PLEKHM2: variants seen among roughly 807,000 people sequenced by gnomAD.
The protein encoded by PLEKHM2 is pleckstrin homology domain-containing family M member 2.
In PLEKHM2, 77 loss-of-function variants were observed where a neutral mutation model predicts 116.3. The observed-to-expected ratio is 0.66, with a 90% CI of 0.55 to 0.80. PLEKHM2 has a LOEUF of 0.80. Ranked by LOEUF, PLEKHM2 falls within the 30% of genes least tolerant of loss-of-function variation. The probability of loss-of-function intolerance (pLI) is 0.00; values close to 1 mark genes in which losing one functional copy is unlikely to be tolerated. For synonymous variants in PLEKHM2, 562 were observed against 571.0 expected (o/e 0.98, Z 0.22); for missense variants, 1,183 against 1,354.9 (o/e 0.87, Z 1.99).
chr1:15,708,279 C>T lies in PLEKHM2; in HGVS notation c.61-7958C>T, dbSNP rs181224532. On this transcript the variant is annotated intron_variant, in intron 1 of 19. Transcript: ENST00000375799. ...GTCGCCAGGCTGGAGTGCAGTGGCA[C>T]GATCTCAGCTCATTGCAACCTCCAC... Among the ~76,000 whole-genome samples the T allele has an allele frequency of 2.3e-3, 355 of 151,406 alleles. 1 individual carries two copies. Among genetic ancestry groups the T allele is most frequent in the African/African-American group, 8.1e-3 (336 of 41,254 alleles).
At chr1:15,718,343 A>G (rs1641487604) in intron 4 of PLEKHM2, among the ~76,000 whole-genome samples, 195 bp from the exon 5 acceptor site, 1 of 152,270 alleles carries the variant, frequency 6.6e-6, no homozygotes, top group Non-Finnish European at 1.5e-5. Context: ...AGACACTGGC[A>G]GGACAGTGCA....
chr1:15,720,612 C>A, intron 6 of PLEKHM2: 1 of 345,344 alleles, frequency 2.9e-6, no homozygotes, highest in Non-Finnish European at 4.1e-6. Context: ...GAGACCAGAG[C>A]CCTTCATTTA....
In PLEKHM2 at chr1:15,728,646, G is replaced by T. The variant is rs755098347; in HGVS notation, c.1922-23G>T. 1 of 1,598,364 alleles carries T rather than the reference G, an allele frequency of 6.3e-7. No homozygotes were observed. The highest frequency in any genetic ancestry group is 8.5e-7 in the Non-Finnish European group (1 of 1,171,098). On this transcript the variant is annotated intron_variant, in intron 11 of 19. Transcript: ENST00000375799. This position sits in a 1 kb window ranked among gnomAD's most constrained non-coding sequence, Gnocchi z 5.9. ...GGAAAAGAGGCCTGTGGGGATAATAGGCCTTGGGGTTTCCTCTCTCAGGGG... is the reference window on the plus strand; with the variant it reads ...GGAAAAGAGGCCTGTGGGGATAATATGCCTTGGGGTTTCCTCTCTCAGGGG...
At chr1:15,730,043 A>C in intron 14 of PLEKHM2, 114 bp downstream of exon 14, 10 of 208,012 alleles carry the variant, frequency 4.8e-5, no homozygotes, top group Middle Eastern at 2.2e-3. Flanking sequence ...ACAATCGCCT[A>C]CCTGGGCGGG....
intron 1 of PLEKHM2, among the ~76,000 whole-genome samples, chr1:15,689,837 A>T (rs1343614468): frequency 6.6e-6 from 1 of 151,762 alleles, no homozygotes; most frequent in African/African-American, 2.4e-5. Flanking sequence ...GCTCACTGCA[A>T]CCTCCGCCTC....
rs1024049434 is a variant in PLEKHM2 at position 15,734,672 on chromosome 1, A to C, written c.*738A>C. 1 of 152,216 alleles carries C rather than the reference A, an allele frequency of 6.6e-6. No homozygotes were observed. The highest frequency in any genetic ancestry group is 1.5e-5 in the Non-Finnish European group (1 of 68,064). The allele number at this position is 152,216 out of a possible 1,614,324, so 9.4% of individuals were successfully genotyped here. ...GACTGTCCCCTGCTTGGCTGGAGCCAGGCCCTTCCCTAGAGTTTCGTCAAG... is the reference window on the plus strand; with the variant it reads ...GACTGTCCCCTGCTTGGCTGGAGCCCGGCCCTTCCCTAGAGTTTCGTCAAG... On this transcript the variant is annotated 3_prime_UTR_variant, in exon 20 of 20. Transcript: ENST00000375799.
intron 1 of PLEKHM2, among the ~76,000 whole-genome samples, chr1:15,705,472 G>A (rs574533804): frequency 6.6e-6 from 1 of 152,146 alleles, no homozygotes; most frequent in African/African-American, 2.4e-5. Flanking sequence ...GTGAGCCACT[G>A]TGCCCGGCCT....
At chr1:15,722,846 A>G (rs1225172976) in intron 7 of PLEKHM2, 1 of 151,416 alleles carries the variant, frequency 6.6e-6, no homozygotes, top group African/African-American at 2.4e-5. Context: ...TTTCCCTCCG[A>G]TTCTAACAAC....
Position 15,716,329 on chromosome 1 carries a change from C to T in PLEKHM2, c.153C>T (p.His51=), listed in dbSNP as rs200766805. ...AGCGTCTGTGTGAGCACCTGGACCA[C>T]GCCCTGCTGTACGGGTAAGGTGGAG... is the stretch of plus-strand genomic sequence containing the variant. ...VLQRLCEHLD[H]ALLYGLQDLS... Residue 51 remains histidine, a synonymous_variant, in exon 2 of 20, where the codon CAC becomes CAT. Coordinates refer to ENST00000375799, the MANE Select transcript of PLEKHM2 (RefSeq NM_015164.4). 175 of 1,597,086 alleles carry T rather than the reference C, an allele frequency of 1.1e-4. No homozygotes were observed. In the East Asian group the frequency reaches 2.1e-3, roughly 19 times the overall value.
chr1:15,727,555 A>G lies in PLEKHM2; in HGVS notation c.1483A>G (p.Ser495Gly). 1.3e-6 allele frequency: 2 copies of G among 1,575,158 alleles called. No individual in the cohort carries two copies. The highest frequency in any genetic ancestry group is 2.7e-5 in the African/African-American group (2 of 74,028). Residue 495 changes from serine to glycine, a missense_variant, in exon 9 of 20, where the codon AGT becomes GGT. Coordinates refer to ENST00000375799, the MANE Select transcript of PLEKHM2 (RefSeq NM_015164.4). The surrounding 1 kb of genome is among the most constrained non-coding windows in gnomAD (Gnocchi z 7.5). ...GCTTGGCCAACCGCTGCATGTTCCT[A>G]GTAGCCCTGAGGCTGCTGGCCAAGA... ...AGLGQPLHVPSSPEAAGQEEE... is the reference protein window; with the variant it reads ...AGLGQPLHVPGSPEAAGQEEE...
In PLEKHM2 at chr1:15,730,652, A is replaced by G. The variant is rs181186746; in HGVS notation, c.2329A>G (p.Met777Val). ...PPEGTITKEG[M>V]LHYKAGTSYL... ...CGAGGGCACCATCACCAAAGAAGGC[A>G]TGCTGCACTACAAGGCGGGCACCTC... The change falls in exon 15 of 20, where the codon ATG becomes GTG. Residue 777 changes from methionine to valine, a missense_variant. Physicochemically the swap from Met to Val is conservative, Grantham distance 21 (BLOSUM62 1). This residue lies in a region of PLEKHM2 where 594 missense variants were observed against 720.1 expected (regional missense o/e 0.82). Coordinates refer to ENST00000375799, the MANE Select transcript of PLEKHM2 (RefSeq NM_015164.4). 586 of 1,610,420 alleles carry G rather than the reference A, an allele frequency of 3.6e-4. 1 individual carries two copies. The African/African-American group carries it at 7.2e-3, about 20-fold the overall frequency.
intron 1 of PLEKHM2, among the ~76,000 whole-genome samples, chr1:15,701,785 CCT>C (rs2148341800): frequency 6.6e-6 from 1 of 152,222 alleles, no homozygotes; most frequent in Admixed American, 6.5e-5. Context: ...AGCGAGAATC[CCT>C]CTCAAAAAAG....
chr1:15,716,353 A>G lies in PLEKHM2; in HGVS notation c.167+10A>G. 6.5e-7 allele frequency: 1 copy of G among 1,547,786 alleles called. No homozygotes were observed. Among genetic ancestry groups the G allele is most frequent in the Non-Finnish European group, 8.8e-7 (1 of 1,132,872 alleles). ...ACGCCCTGCTGTACGGGTAAGGTGG[A>G]GGAAGTTTCCAAAGATGACGGAGCA... On this transcript the variant is annotated intron_variant, in intron 2 of 19. Coordinates refer to ENST00000375799, the MANE Select transcript of PLEKHM2 (RefSeq NM_015164.4).
intron 7 of PLEKHM2, 23 bp from the exon 8 acceptor site, chr1:15,725,294 C>T (rs896503972): frequency 6.5e-7 from 1 of 1,529,702 alleles, no homozygotes; most frequent in East Asian, 2.5e-5. Context: ...GACAGGGTGT[C>T]TCCTGCTTCC....
At chr1:15,723,449 TA>T (rs35677279) in intron 7 of PLEKHM2, 2,415 of 139,898 alleles carry the variant, frequency 0.017, 51 homozygotes, top group African/African-American at 0.054. Context: ...ACAGCAGACT[TA>T]AAAAAAAAAA....
At position 15,729,769 on chromosome 1, in the gene PLEKHM2, C is replaced by G. The variant is rs995220923; in HGVS notation, c.2076-28C>G. On this transcript the variant is annotated intron_variant, in intron 13 of 19. Transcript: ENST00000375799. The surrounding 1 kb of genome is among the most constrained non-coding windows in gnomAD (Gnocchi z 4.7). ...CAGTTGAGGCCCTGTTCCCAGGCCT[C>G]TAACCACAAACCTCACTCCCTATGC... 3.8e-6 allele frequency: 6 copies of G among 1,596,304 alleles called. No individual in the cohort carries two copies. In the African/African-American group the frequency reaches 6.7e-5, roughly 18 times the overall value.
intron 1 of PLEKHM2, among the ~76,000 whole-genome samples, chr1:15,693,075 C>G (rs1208910718): frequency 5.1e-5 from 7 of 137,898 alleles, no homozygotes; most frequent in Non-Finnish European, 1.5e-5. Context: ...AAGTCTCTCT[C>G]CGTTGCCCAG....
At chr1:15,732,291 C>G (rs2068155560) in intron 17 of PLEKHM2, 59 bp from the exon 18 acceptor site, 1 of 1,395,758 alleles carries the variant, frequency 7.2e-7, no homozygotes, top group African/African-American at 1.4e-5. Context: ...GGAGTGTGGA[C>G]TTCTGGTGCA....
intron 1 of PLEKHM2, 137 bp from the exon 2 acceptor site, chr1:15,716,100 T>C: frequency 1.7e-6 from 1 of 604,856 alleles, no homozygotes; most frequent in South Asian, 2.0e-5. Flanking sequence ...ACAGGGGTGG[T>C]TTGAGGTAGA....
Sources: allele counts gnomAD v4.1 joint callset (sites outside exome capture counted in the v4.1 genomes callset), GRCh38; gene constraint gnomAD v4.1.1; regional missense constraint gnomAD v4.1.1; non-coding constraint Gnocchi (gnomAD v3.1); transcripts MANE v1.5; gene names NCBI Gene and HGNC (gene_info 2026-07-23, HGNC 2026-07-21).